FOXP1: variants seen among roughly 807,000 people sequenced by gnomAD.
The protein encoded by FOXP1 is forkhead box P1.
In FOXP1, 15 loss-of-function variants were observed where a neutral mutation model predicts 98.2. That is an observed-to-expected ratio of 0.15 (90% confidence interval 0.10 to 0.24). The LOEUF is 0.24. FOXP1 is among the 10% of genes least tolerant of loss of function. The pLI, the probability that FOXP1 is intolerant of heterozygous loss-of-function variation, is 1.00. For synonymous variants in FOXP1, 371 were observed against 314.5 expected, an observed-to-expected ratio of 1.18 and a Z score of -1.90; for missense variants, 633 against 848.5, an observed-to-expected ratio of 0.75 and a Z score of 3.15.
chr3:71,545,135 T>C (rs1036163277), intron 2 of FOXP1, among the ~76,000 whole-genome samples: 1 of 152,088 alleles, frequency 6.6e-6, no homozygotes, highest in Non-Finnish European at 1.5e-5. Context: ...TTTACACATG[T>C]ACATGCGCGC....
At chr3:71,538,541 C>T (rs1260038420) in intron 2 of FOXP1, among the ~76,000 whole-genome samples, 1 of 152,228 alleles carries the variant, frequency 6.6e-6, no homozygotes, top group Non-Finnish European at 1.5e-5. Context: ...ACATTCATCA[C>T]ATTTTGTTGA....
chr3:71,293,901 T>G (rs2073021607), intron 5 of FOXP1, among the ~76,000 whole-genome samples: 2 of 152,220 alleles, frequency 1.3e-5, no homozygotes, highest in African/African-American at 4.8e-5. Flanking sequence ...TAAGAATATT[T>G]CAAGCAACCA....
intron 4 of FOXP1, among the ~76,000 whole-genome samples, chr3:71,329,002 A>AC (rs1372725650): frequency 6.9e-6 from 1 of 143,906 alleles, no homozygotes; most frequent in Non-Finnish European, 1.5e-5. Context: ...AAAAAAAAAA[A>AC]ACTGACAGTT....
chr3:71,273,038 C>T (rs766665711), intron 5 of FOXP1, among the ~76,000 whole-genome samples: 6 of 152,164 alleles, frequency 3.9e-5, no homozygotes, highest in Non-Finnish European at 8.8e-5. Context: ...GCCTCACACT[C>T]GTGTGTGCGC....
At chr3:71,308,160 G>C in intron 4 of FOXP1, among the ~76,000 whole-genome samples, 1 of 151,364 alleles carries the variant, frequency 6.6e-6, no homozygotes, top group Non-Finnish European at 1.5e-5. Flanking sequence ...GAAAGATGGG[G>C]GGGCGTAGTT....
chr3:71,518,828 T>C (rs1415133138), intron 2 of FOXP1, among the ~76,000 whole-genome samples: 1 of 152,208 alleles, frequency 6.6e-6, no homozygotes, highest in East Asian at 1.9e-4. Context: ...TAAGCAATTC[T>C]ATATACATTT....
chr3:71,372,241 C>G (rs1258554907), intron 3 of FOXP1, among the ~76,000 whole-genome samples: 1 of 149,816 alleles, frequency 6.7e-6, no homozygotes, highest in African/African-American at 2.5e-5. Flanking sequence ...AAGGTGGTCT[C>G]GAACTCCTGA....
At chr3:71,425,636 G>C (rs1400195179) in intron 3 of FOXP1, among the ~76,000 whole-genome samples, 14 of 151,960 alleles carry the variant, frequency 9.2e-5, no homozygotes, top group African/African-American at 3.1e-4. Context: ...GAGAAGCTTT[G>C]AACTCATGCC....
intron 5 of FOXP1, among the ~76,000 whole-genome samples, chr3:71,215,888 T>C (rs2064875511): frequency 6.6e-6 from 1 of 152,216 alleles, no homozygotes; most frequent in South Asian, 2.1e-4. Context: ...GATTACCATT[T>C]TAAAGCCTCG....
intron 7 of FOXP1, 116 bp downstream of exon 7, chr3:71,112,420 T>G: frequency 6.7e-6 from 6 of 898,334 alleles, no homozygotes; most frequent in Non-Finnish European, 1.1e-5. Flanking sequence ...AAAAATGCAC[T>G]TTCCACAGAA....
intron 5 of FOXP1, among the ~76,000 whole-genome samples, chr3:71,240,092 CTATTT>C (rs1038086035): frequency 6.2e-4 from 95 of 152,206 alleles, no homozygotes; most frequent in Non-Finnish European, 5.9e-4. Context: ...CAGCCGATTT[CTATTT>C]TATTTTAATA....
At chr3:71,525,799 T>C (rs530972730) in intron 2 of FOXP1, among the ~76,000 whole-genome samples, 1 of 152,186 alleles carries the variant, frequency 6.6e-6, no homozygotes, top group Non-Finnish European at 1.5e-5. Context: ...AATCAGGTAA[T>C]ATAAAAAATT....
At chr3:71,170,989 G>C (rs981746856) in intron 6 of FOXP1, among the ~76,000 whole-genome samples, 1 of 152,014 alleles carries the variant, frequency 6.6e-6, no homozygotes, top group African/African-American at 2.4e-5. Context: ...TCCAAACCAG[G>C]AAGGCGGGCA....
intron 12 of FOXP1, among the ~76,000 whole-genome samples, chr3:71,003,435 T>C (rs962179517): frequency 3.3e-5 from 5 of 151,852 alleles, no homozygotes; most frequent in Non-Finnish European, 5.9e-5. Context: ...TTTTTTTTTT[T>C]CCCATAGCTT....
intron 2 of FOXP1, among the ~76,000 whole-genome samples, chr3:71,524,972 G>A (rs2043263694): frequency 6.6e-6 from 1 of 152,140 alleles, no homozygotes; most frequent in Non-Finnish European, 1.5e-5. Flanking sequence ...CACTAAGACA[G>A]CTCACATCCC....
chr3:71,125,887 T>A (rs2059133220), intron 6 of FOXP1, among the ~76,000 whole-genome samples: 1 of 152,226 alleles, frequency 6.6e-6, no homozygotes, highest in African/African-American at 2.4e-5. Context: ...ATTCTACCAT[T>A]CGCTAGCTGT....
chr3:71,108,134 T>C (rs1433413423), intron 7 of FOXP1, among the ~76,000 whole-genome samples: 1 of 152,206 alleles, frequency 6.6e-6, no homozygotes, highest in African/African-American at 2.4e-5. Flanking sequence ...TGGTGAGCTT[T>C]CCACTGTAAG....
At chr3:71,417,261 C>A (rs150278842) in intron 3 of FOXP1, among the ~76,000 whole-genome samples, 1 of 152,334 alleles carries the variant, frequency 6.6e-6, no homozygotes, top group Non-Finnish European at 1.5e-5. Flanking sequence ...CCCCACCTCA[C>A]CCACCATGAA....
chr3:71,028,359 G>C (rs2046412903), intron 11 of FOXP1, among the ~76,000 whole-genome samples: 1 of 152,164 alleles, frequency 6.6e-6, no homozygotes, highest in Non-Finnish European at 1.5e-5. Context: ...TCAGAGTACG[G>C]GTCTGGAACT....
Sources: gnomAD v4.1 joint callset for allele counts (sites outside exome capture counted in the v4.1 genomes callset) on GRCh38, gnomAD v4.1.1 for gene constraint, MANE v1.5 for transcripts, NCBI Gene and HGNC (gene_info 2026-07-23, HGNC 2026-07-21) for gene names.